Variants in PDE6D observed in about 807,000 individuals in gnomAD.
The protein encoded by PDE6D is retinal rod rhodopsin-sensitive cGMP 3',5'-cyclic phosphodiesterase subunit delta.
A neutral mutation model predicts 21.9 loss-of-function variants in PDE6D; 10 were observed. That is an observed-to-expected ratio of 0.46 (90% confidence interval 0.28 to 0.78). The LOEUF is 0.78. PDE6D is among the 30% of genes least tolerant of loss of function. The probability of loss-of-function intolerance (pLI) is 0.12; values close to 1 mark genes in which losing one functional copy is unlikely to be tolerated. For synonymous variants in PDE6D, 59 were observed against 63.5 expected, an observed-to-expected ratio of 0.93 and a Z score of 0.34; for missense variants, 139 against 184.8, an observed-to-expected ratio of 0.75 and a Z score of 1.44.
chr2:231,757,060 G>A (rs2048888417), intron 1 of PDE6D, among the ~76,000 whole-genome samples: 1 of 151,522 alleles, frequency 6.6e-6, no homozygotes. Flanking sequence ...CTGGGCTCAG[G>A]TGATCCTCCC....
chr2:231,734,747 T>G (rs2048682641), intron 4 of PDE6D, among the ~76,000 whole-genome samples: 1 of 147,882 alleles, frequency 6.8e-6, no homozygotes, highest in Admixed American at 6.8e-5. Context: ...CTCAGGAGGC[T>G]GAGGCAGGAG....
At chr2:231,763,177 CAG>C (rs1449696562) in intron 1 of PDE6D, among the ~76,000 whole-genome samples, 1 of 152,244 alleles carries the variant, frequency 6.6e-6, no homozygotes, top group Admixed American at 6.5e-5. Flanking sequence ...TGCAGAAATT[CAG>C]AGAGAGTATT....
intron 1 of PDE6D, among the ~76,000 whole-genome samples, chr2:231,745,895 T>C (rs1312253576): frequency 6.6e-6 from 1 of 151,818 alleles, no homozygotes; most frequent in African/African-American, 2.4e-5. Context: ...AGGTGGGTGG[T>C]AGAATGGGAA....
rs367553304 is a variant in PDE6D at position 231,764,586 on chromosome 2, A to G, written c.50+16479T>C. 5.9e-5 allele frequency among the ~76,000 whole-genome samples: 9 copies of G among 152,230 alleles called. 1 individual carries two copies. The highest frequency in any genetic ancestry group is 3.9e-4 in the East Asian group (2 of 5,192). On this transcript the variant is annotated intron_variant, in intron 1 of 4. Coordinates refer to ENST00000287600, the MANE Select transcript of PDE6D (RefSeq NM_002601.4). ...GAAATCAACAGGCAACCAGGAGGCCAGCATGTGTAACAAATTGCTATATGC... is the reference window on the plus strand; with the variant it reads ...GAAATCAACAGGCAACCAGGAGGCCGGCATGTGTAACAAATTGCTATATGC...
chr2:231,753,506 G>A (rs755024487), intron 1 of PDE6D, among the ~76,000 whole-genome samples: 16 of 151,930 alleles, frequency 1.1e-4, no homozygotes, highest in African/African-American at 2.7e-4. Flanking sequence ...AGCCGAGATC[G>A]TGCCACTGCA....
At chr2:231,758,917 A>G (rs1352890211) in intron 1 of PDE6D, among the ~76,000 whole-genome samples, 1 of 152,096 alleles carries the variant, frequency 6.6e-6, no homozygotes, top group Non-Finnish European at 1.5e-5. Context: ...AACTCTCATA[A>G]AGAGTGAAAA....
intron 1 of PDE6D, among the ~76,000 whole-genome samples, chr2:231,748,660 C>T (rs1195361263): frequency 6.6e-6 from 1 of 152,222 alleles, no homozygotes; most frequent in Admixed American, 6.5e-5. Flanking sequence ...AACTTCCCTG[C>T]AGCCCCTCCC....
intron 1 of PDE6D, among the ~76,000 whole-genome samples, chr2:231,778,172 A>G (rs947158055): frequency 1.4e-4 from 21 of 152,184 alleles, no homozygotes; most frequent in African/African-American, 4.6e-4. Flanking sequence ...AGGCTGAGGC[A>G]GGAGAATTGC....
chr2:231,741,308 G>C (rs971738325), intron 1 of PDE6D, among the ~76,000 whole-genome samples: 5 of 152,048 alleles, frequency 3.3e-5, no homozygotes, highest in African/African-American at 1.2e-4. Context: ...GAGGGTAGGA[G>C]ACAACTTAGC....
chr2:231,780,674 A>G (rs2049107124), intron 1 of PDE6D, among the ~76,000 whole-genome samples: 2 of 151,908 alleles, frequency 1.3e-5, no homozygotes, highest in South Asian at 2.1e-4. Flanking sequence ...AGGCTTCGAG[A>G]TCAGCCCACC....
intron 4 of PDE6D, among the ~76,000 whole-genome samples, chr2:231,733,709 T>C (rs2048670475): frequency 6.6e-6 from 1 of 152,136 alleles, no homozygotes; most frequent in Admixed American, 6.5e-5. Flanking sequence ...CTCTCCCCCT[T>C]AGTCTTTCAG....
chr2:231,756,840 G>C (rs2048886512), intron 1 of PDE6D, among the ~76,000 whole-genome samples: 1 of 149,188 alleles, frequency 6.7e-6, no homozygotes, highest in Admixed American at 6.7e-5. Context: ...CATCTTCTGA[G>C]AAAGTGAAGT....
rs142298615 is a variant in PDE6D at position 231,732,999 on chromosome 2, C to T, written c.406G>A (p.Asp136Asn). The T allele has an allele frequency of 3.0e-4, 479 of 1,611,924 alleles. 2 individuals carry two copies. The African/African-American group carries it at 5.6e-3, about 19-fold the overall frequency. The change falls in exon 5 of 5, where the codon GAC becomes AAC. Residue 136 changes from aspartate to asparagine, a missense_variant. Transcript: ENST00000287600. ...NVIIETKFFD[D>N]DLLVSTSRVR... is the part of the protein sequence containing the mutation. ...CTGGATGTGCTTACAAGAAGATCGT[C>T]GTCAAAAAACTTTGTTTCTATGATA... is the stretch of plus-strand genomic sequence containing the variant.
chr2:231,733,599 C>T (rs1338983883), intron 4 of PDE6D, among the ~76,000 whole-genome samples: 4 of 152,166 alleles, frequency 2.6e-5, no homozygotes, highest in African/African-American at 9.7e-5. Context: ...GTAACTTAGG[C>T]CAATCAGACT....
At chr2:231,762,046 C>G (rs1024894270) in intron 1 of PDE6D, among the ~76,000 whole-genome samples, 1 of 152,128 alleles carries the variant, frequency 6.6e-6, no homozygotes, top group Non-Finnish European at 1.5e-5. Context: ...GGAAATGGCC[C>G]TTTTGCCCTT....
intron 1 of PDE6D, among the ~76,000 whole-genome samples, chr2:231,752,287 C>G (rs1057423576): frequency 2.0e-4 from 31 of 152,146 alleles, no homozygotes; most frequent in African/African-American, 7.5e-4. Context: ...CTGTGGAGTC[C>G]AAGTTCTATC....
At chr2:231,764,998 T>G (rs977478644) in intron 1 of PDE6D, among the ~76,000 whole-genome samples, 12 of 151,700 alleles carry the variant, frequency 7.9e-5, no homozygotes, top group African/African-American at 2.2e-4. Context: ...CAGTGGCACA[T>G]GCCTGTAATA....
At chr2:231,733,216 A>G (rs1365762693) in intron 4 of PDE6D, among the ~76,000 whole-genome samples, 183 bp from the exon 5 acceptor site, 1 of 152,148 alleles carries the variant, frequency 6.6e-6, no homozygotes, top group Non-Finnish European at 1.5e-5. Context: ...ATGACATTTA[A>G]CTTATGTGGT....
chr2:231,747,851 T>A (rs1002658203), intron 1 of PDE6D, among the ~76,000 whole-genome samples: 2 of 152,142 alleles, frequency 1.3e-5, no homozygotes, highest in Admixed American at 1.3e-4. Context: ...CCTTGAGAGG[T>A]TCTTGGGAAC....
Sources: gnomAD v4.1 joint callset for allele counts (sites outside exome capture counted in the v4.1 genomes callset) on GRCh38, gnomAD v4.1.1 for gene constraint, MANE v1.5 for transcripts, NCBI Gene and HGNC (gene_info 2026-07-23, HGNC 2026-07-21) for gene names.